CACNA1C: variants seen among roughly 807,000 people sequenced by gnomAD.
The protein encoded by CACNA1C is voltage-dependent L-type calcium channel subunit alpha-1C.
In CACNA1C, 30 loss-of-function variants were observed where a neutral mutation model predicts 229.0. The observed-to-expected ratio is 0.13, with a 90% CI of 0.10 to 0.18. The LOEUF (loss-of-function observed/expected upper bound fraction) is 0.18, where lower values mean the gene tolerates loss of function less well. Ranked by LOEUF, CACNA1C falls within the 10% of genes least tolerant of loss-of-function variation. The probability of loss-of-function intolerance (pLI) is 1.00; values close to 1 mark genes in which losing one functional copy is unlikely to be tolerated. For synonymous variants in CACNA1C, 1,114 were observed against 1,132.5 expected, an observed-to-expected ratio of 0.98 and a Z score of 0.33; for missense variants, 1,658 against 2,845.0, an observed-to-expected ratio of 0.58 and a Z score of 9.49.
chr12:2,542,774 T>C (rs182114432), intron 9 of CACNA1C, among the ~76,000 whole-genome samples: 1 of 152,302 alleles, frequency 6.6e-6, no homozygotes, highest in East Asian at 1.9e-4. Flanking sequence ...GGCACCTCTC[T>C]TGAGACATAG....
chr12:2,535,704 T>TAAAAAAAAAAAAAAAAAAAAA (rs758857733), intron 9 of CACNA1C, among the ~76,000 whole-genome samples: 26 of 36,562 alleles, frequency 7.1e-4, no homozygotes, highest in Non-Finnish European at 1.0e-3. Flanking sequence ...AGACCCTGTC[T>TAAAAAAAAAAAAAAAAAAAAA]AAAAAAAAAA....
chr12:2,521,933 A>G (rs765665196), intron 9 of CACNA1C, among the ~76,000 whole-genome samples: 6 of 152,176 alleles, frequency 3.9e-5, no homozygotes, highest in Non-Finnish European at 8.8e-5. Flanking sequence ...TCAGTATTTC[A>G]GGCATCTCCA....
Position 2,328,177 on chromosome 12 carries a change from C to T in CACNA1C, c.478-120799C>T, listed in dbSNP as rs183554111. On this transcript the variant is annotated intron_variant, in intron 3 of 46. Coordinates refer to ENST00000399655, the MANE Select transcript of CACNA1C (RefSeq NM_000719.7). ...AGGGTGCTGGCTGTAATATCTCTTG[C>T]CCCCCAAATGATCCTTGAGCTTTCA... Among the ~76,000 whole-genome samples the T allele has an allele frequency of 4.5e-4, 69 of 152,270 alleles. No homozygotes were observed. In the East Asian group the frequency reaches 0.012, roughly 26 times the overall value.
At position 2,596,003 on chromosome 12, in the gene CACNA1C, T is replaced by G. The variant is rs759991679; in HGVS notation, c.2793T>G (p.His931Gln). ...DPVQHTSFRN[H>Q]ILFYFDIVFT... is the part of the protein sequence containing the mutation. Reference sequence around the variant, plus strand: ...TCCAGCACACCTCCTTCAGGAACCATGTATGCATCGCCTGTGTCTTCTGCA... The same window carrying G: ...TCCAGCACACCTCCTTCAGGAACCAGGTATGCATCGCCTGTGTCTTCTGCA... The change falls in exon 20 of 47, where the codon CAT (histidine) becomes CAG (glutamine). Residue 931 changes from histidine (H) to glutamine (Q), a missense_variant and splice_region_variant. Transcript: ENST00000399655. 6.2e-7 allele frequency: 1 copy of G among 1,612,280 alleles called. No homozygotes were observed. Among genetic ancestry groups the G allele is most frequent in the Non-Finnish European group, 8.5e-7 (1 of 1,179,090 alleles).
At chr12:2,088,265 A>G (rs1410344567) in intron 1 of CACNA1C, among the ~76,000 whole-genome samples, 1 of 152,174 alleles carries the variant, frequency 6.6e-6, no homozygotes, top group Non-Finnish European at 1.5e-5. Flanking sequence ...AGCTCTTTAA[A>G]TGTGTGTGCC....
At chr12:2,111,033 C>T (rs889247596) in intron 1 of CACNA1C, among the ~76,000 whole-genome samples, 7 of 110,620 alleles carry the variant, frequency 6.3e-5, no homozygotes, top group Non-Finnish European at 9.9e-5. Context: ...GTGTGCGGCT[C>T]TGCACTCCTG....
At chr12:2,658,497 A>G (rs2095536288) in intron 34 of CACNA1C, among the ~76,000 whole-genome samples, 1 of 152,372 alleles carries the variant, frequency 6.6e-6, no homozygotes, top group African/African-American at 2.4e-5. Flanking sequence ...CCAGTCATAG[A>G]TAAGTATGGC....
In CACNA1C at chr12:2,241,825, A is replaced by G. The variant is rs1225717545; in HGVS notation, c.477+121395A>G. On this transcript the variant is annotated intron_variant, in intron 3 of 46. Coordinates refer to ENST00000399655, the MANE Select transcript of CACNA1C (RefSeq NM_000719.7). ...ATGTTTGATCCCCTGCTGTATTCCC[A>G]GAGAACTCAGTGTGCCTGGCACGCA... is the stretch of plus-strand genomic sequence containing the variant. 3.3e-5 allele frequency among the ~76,000 whole-genome samples: 5 copies of G among 152,224 alleles called. 1 individual carries two copies. The South Asian group carries it at 6.2e-4, about 19-fold the overall frequency.
chr12:2,157,931 G>C (rs1399702350), intron 3 of CACNA1C, among the ~76,000 whole-genome samples: 1 of 152,106 alleles, frequency 6.6e-6, no homozygotes, highest in African/African-American at 2.4e-5. Flanking sequence ...TTAAAACATT[G>C]ATAATTAAGA....
At position 2,054,049 on chromosome 12, in the gene CACNA1C, G is replaced by A. The variant is rs2053489401; in HGVS notation, c.49+438G>A. 6.8e-6 allele frequency among the ~76,000 whole-genome samples: 1 copy of A among 146,816 alleles called. No homozygotes were observed. The highest frequency in any genetic ancestry group is 2.1e-4 in the South Asian group (1 of 4,804). The stretch of plus-strand genomic sequence containing the variant: ...GGGGCGCGGCTGGGAGCGCGCGCGC[G>A]CGCACCCTGCGCCGGCAGAGCCCGG... On this transcript the variant is annotated intron_variant, in intron 1 of 46. Coordinates refer to ENST00000399655, the MANE Select transcript of CACNA1C (RefSeq NM_000719.7). This position sits in a 1 kb window ranked among gnomAD's most constrained non-coding sequence, Gnocchi z 5.5.
chr12:2,361,238 C>A (rs1328145314), intron 3 of CACNA1C, among the ~76,000 whole-genome samples: 1 of 151,654 alleles, frequency 6.6e-6, no homozygotes, highest in Non-Finnish European at 1.5e-5. Flanking sequence ...CACACCCTGA[C>A]ACTTAAAAAA....
chr12:2,236,840 G>A (rs1448751380), intron 3 of CACNA1C, among the ~76,000 whole-genome samples: 1 of 152,150 alleles, frequency 6.6e-6, no homozygotes, highest in Non-Finnish European at 1.5e-5. Flanking sequence ...CTAGGCTGTG[G>A]TATCTTCCTC....
chr12:2,295,759 G>T (rs1430690403), intron 3 of CACNA1C, among the ~76,000 whole-genome samples: 1 of 152,202 alleles, frequency 6.6e-6, no homozygotes, highest in Non-Finnish European at 1.5e-5. Flanking sequence ...CTTCCATTTT[G>T]CAGGTAAGAA....
At chr12:2,235,992 A>T (rs2067209327) in intron 3 of CACNA1C, among the ~76,000 whole-genome samples, 1 of 152,234 alleles carries the variant, frequency 6.6e-6, no homozygotes, top group Non-Finnish European at 1.5e-5. Flanking sequence ...GAGAATACTG[A>T]ATCATTGAAA....
At chr12:2,130,333 AG>A (rs1274169942) in intron 3 of CACNA1C, among the ~76,000 whole-genome samples, 1 of 145,230 alleles carries the variant, frequency 6.9e-6, no homozygotes, top group Admixed American at 7.0e-5. Context: ...TTTAGGTTTT[AG>A]GGTACATGTG....
chr12:1,994,009 A>C (rs2040190690), intron 1 of CACNA1C, among the ~76,000 whole-genome samples: 1 of 152,130 alleles, frequency 6.6e-6, no homozygotes, highest in Non-Finnish European at 1.5e-5. Flanking sequence ...ACAGCTTCAC[A>C]GATAAACCAC....
At chr12:2,454,553 CTGTT>C (rs571839225) in intron 4 of CACNA1C, among the ~76,000 whole-genome samples, 1 of 152,308 alleles carries the variant, frequency 6.6e-6, no homozygotes, top group East Asian at 1.9e-4. Flanking sequence ...AGTCTTCTGT[CTGTT>C]TATCTTGCAC....
intron 3 of CACNA1C, among the ~76,000 whole-genome samples, chr12:2,378,684 G>A (rs1208215254): frequency 4.6e-5 from 7 of 152,176 alleles, no homozygotes; most frequent in Admixed American, 4.6e-4. Context: ...TCCCCGTGGG[G>A]GAAGAGTGTT....
chr12:2,168,767 A>G (rs1040226425), intron 3 of CACNA1C, among the ~76,000 whole-genome samples: 3 of 152,118 alleles, frequency 2.0e-5, no homozygotes, highest in African/African-American at 7.2e-5. Context: ...ATTCATTGCA[A>G]AGTGTACCCA....
Sources: gnomAD v4.1 joint callset for allele counts (sites outside exome capture counted in the v4.1 genomes callset) on GRCh38, gnomAD v4.1.1 for gene constraint, Gnocchi (gnomAD v3.1) non-coding constraint, MANE v1.5 for transcripts, NCBI Gene and HGNC (gene_info 2026-07-23, HGNC 2026-07-21) for gene names.